The following TULP4 variants were observed in gnomAD, a reference collection of about 807,000 sequenced individuals.
The protein encoded by TULP4 is TUB like protein 4, also known as tubby-related protein 4.
Under a neutral mutation model 129.0 loss-of-function variants are expected in TULP4, and 16 were observed. The observed-to-expected ratio is 0.12, with a 90% confidence interval of 0.08 to 0.19. The LOEUF is 0.19. TULP4 is among the 10% of genes least tolerant of loss of function. The pLI is 1.00. For synonymous variants in TULP4, 998 were observed against 854.0 expected (o/e 1.17, Z -2.94); for missense variants, 1,842 against 2,059.1 (o/e 0.89, Z 2.04).
At chr6:158,477,820 A>T (rs577685813) in intron 6 of TULP4, among the ~76,000 whole-genome samples, 1 of 152,254 alleles carries the variant, frequency 6.6e-6, no homozygotes, top group Non-Finnish European at 1.5e-5. Context: ...TGTTCATTGC[A>T]GCACTATTCA....
At chr6:158,441,925 G>C (rs568795734) in intron 3 of TULP4, among the ~76,000 whole-genome samples, 6 of 152,326 alleles carry the variant, frequency 3.9e-5, no homozygotes, top group African/African-American at 1.4e-4. Context: ...GGCTTTGTGA[G>C]AGAGTAGGGG....
intron 1 of TULP4, among the ~76,000 whole-genome samples, chr6:158,270,546 G>C (rs1443314804): frequency 6.6e-6 from 1 of 152,204 alleles, no homozygotes; most frequent in African/African-American, 2.4e-5. Context: ...AGTGTCTCTG[G>C]TACCGGGGCC....
chr6:158,330,663 C>T (rs1779857585), intron 1 of TULP4, among the ~76,000 whole-genome samples: 1 of 152,192 alleles, frequency 6.6e-6, no homozygotes, highest in Non-Finnish European at 1.5e-5. Context: ...CAATTCAATA[C>T]TTAAATTATT....
chr6:158,464,749 T>G (rs1779518056), intron 6 of TULP4, among the ~76,000 whole-genome samples: 1 of 152,126 alleles, frequency 6.6e-6, no homozygotes, highest in African/African-American at 2.4e-5. Context: ...GGCTTCAGGG[T>G]GAATAAATGG....
rs1017566837 is a variant in TULP4, at chr6:158,511,093, A to G, written c.*4399A>G. ...ATAAAACTCTAATGGGTTGTGGCTT[A>G]CTTTGTTTCCATTTTCTTTGGCTTT... On this transcript the variant is annotated 3_prime_UTR_variant, in exon 14 of 14. Coordinates refer to ENST00000367097, the MANE Select transcript of TULP4 (RefSeq NM_020245.5). 1 of 152,570 alleles carries G rather than the reference A, an allele frequency of 6.6e-6. No homozygotes were observed. The highest frequency in any genetic ancestry group is 2.4e-5 in the African/African-American group (1 of 41,428). 9.5% of individuals were successfully genotyped at this position (152,570 alleles called of 1,614,324 possible). A position where few individuals can be genotyped will look rare whatever the true frequency, so the allele number is the denominator to read the frequency against.
chr6:158,357,949 C>T (rs1350886152), intron 1 of TULP4, among the ~76,000 whole-genome samples: 2 of 152,158 alleles, frequency 1.3e-5, no homozygotes, highest in African/African-American at 2.4e-5. Context: ...GTGTGACGCT[C>T]ATTCTTCTGG....
In TULP4 at chr6:158,502,710, A is replaced by C. The variant is rs753588753; in HGVS notation, c.3047A>C (p.Lys1016Thr). ...RAPLQPLAKS[K>T]GGPGGVVTQL... ...CCCCTGCAGCCCCTGGCCAAGTCCA[A>C]GGGCGGGCCCGGGGGGGTGGTGACA... is the stretch of plus-strand genomic sequence containing the variant. The change falls in exon 13 of 14, where the codon AAG becomes ACG. Residue 1016 changes from lysine to threonine, a missense_variant. Transcript: ENST00000367097. The C allele has an allele frequency of 6.4e-7, 1 of 1,561,542 alleles. No individual in the cohort carries two copies. The highest frequency in any genetic ancestry group is 8.6e-7 in the Non-Finnish European group (1 of 1,158,640).
intron 9 of TULP4, among the ~76,000 whole-genome samples, chr6:158,492,192 A>G (rs1037486945): frequency 4.6e-5 from 7 of 152,162 alleles, no homozygotes; most frequent in African/African-American, 1.7e-4. Context: ...ATCCTTTGTC[A>G]GATATCTGTA....
intron 1 of TULP4, among the ~76,000 whole-genome samples, chr6:158,239,566 G>A (rs1777810496): frequency 1.8e-5 from 1 of 55,990 alleles, no homozygotes; most frequent in Non-Finnish European, 4.0e-5. Context: ...CTCCCGGACG[G>A]GGCGGCTGGC....
chr6:158,306,588 T>C (rs1296488061), intron 1 of TULP4, among the ~76,000 whole-genome samples: 1 of 152,190 alleles, frequency 6.6e-6, no homozygotes, highest in East Asian at 1.9e-4. Flanking sequence ...ATAGATAGAT[T>C]TACATTTTAG....
intron 1 of TULP4, among the ~76,000 whole-genome samples, chr6:158,362,734 A>G (rs1780824337): frequency 6.6e-6 from 1 of 152,198 alleles, no homozygotes; most frequent in South Asian, 2.1e-4. Context: ...TACTTAACCC[A>G]TGCACACAGA....
At chr6:158,392,851 A>C (rs1777619765) in intron 1 of TULP4, among the ~76,000 whole-genome samples, 1 of 106,566 alleles carries the variant, frequency 9.4e-6, no homozygotes, top group Non-Finnish European at 1.7e-5. Context: ...GCCAGGCTGG[A>C]GTGCAGTGGC....
intron 8 of TULP4, among the ~76,000 whole-genome samples, chr6:158,489,227 G>A (rs185838381): frequency 4.2e-4 from 64 of 152,312 alleles, no homozygotes; most frequent in African/African-American, 1.2e-3. Context: ...GAGCCCGCAA[G>A]ACCCTCAGCC....
chr6:158,447,540 T>G (rs1779078800), intron 3 of TULP4, among the ~76,000 whole-genome samples: 1 of 152,202 alleles, frequency 6.6e-6, no homozygotes, highest in South Asian at 2.1e-4. Context: ...TCATCAGTAT[T>G]TATATCCTAA....
At chr6:158,331,436 G>A (rs1376312162) in intron 1 of TULP4, among the ~76,000 whole-genome samples, 1 of 151,962 alleles carries the variant, frequency 6.6e-6, no homozygotes, top group East Asian at 1.9e-4. Context: ...GCCAGCAGGA[G>A]CCCCTTTAGG....
chr6:158,241,782 A>G (rs984987246), intron 1 of TULP4: 5 of 466,708 alleles, frequency 1.1e-5, no homozygotes, highest in South Asian at 2.0e-5. Flanking sequence ...TTTAGTAGAG[A>G]CGGGGTTTTA....
chr6:158,401,756 A>G (rs1777856004), intron 1 of TULP4, among the ~76,000 whole-genome samples: 2 of 151,992 alleles, frequency 1.3e-5, no homozygotes, highest in Admixed American at 1.3e-4. Flanking sequence ...TGTTGTGACT[A>G]GCTCTGTACT....
intron 6 of TULP4, among the ~76,000 whole-genome samples, chr6:158,470,637 T>C (rs889674169): frequency 3.3e-5 from 5 of 152,212 alleles, no homozygotes; most frequent in Non-Finnish European, 7.3e-5. Context: ...GTCCTGTCTC[T>C]CAGAACCATT....
chr6:158,293,110 A>C (rs1209191116), intron 1 of TULP4, among the ~76,000 whole-genome samples: 1 of 152,168 alleles, frequency 6.6e-6, no homozygotes, highest in Non-Finnish European at 1.5e-5. Context: ...TGCAAGCTCC[A>C]TTCCCTCCTC....
Sources: allele counts gnomAD v4.1 joint callset (sites outside exome capture counted in the v4.1 genomes callset), GRCh38; gene constraint gnomAD v4.1.1; transcripts MANE v1.5; gene names NCBI Gene and HGNC (gene_info 2026-07-23, HGNC 2026-07-21).